C1orf21: variants seen among roughly 807,000 people sequenced by gnomAD.
The protein encoded by C1orf21 is chromosome 1 open reading frame 21, also known as uncharacterized protein C1orf21.
In C1orf21, 3 loss-of-function variants were observed where a neutral mutation model predicts 18.7. That is an observed-to-expected ratio of 0.16 (90% confidence interval 0.07 to 0.42). C1orf21 has a LOEUF of 0.42. Ranked by LOEUF, C1orf21 falls within the 10% of genes least tolerant of loss-of-function variation. The pLI is 0.99. For synonymous variants in C1orf21, 41 were observed against 46.4 expected, an observed-to-expected ratio of 0.88 and a Z score of 0.47; for missense variants, 104 against 143.6, an observed-to-expected ratio of 0.72 and a Z score of 1.41.
intron 1 of C1orf21, among the ~76,000 whole-genome samples, chr1:184,451,376 G>T (rs933770899): frequency 6.6e-6 from 1 of 151,476 alleles, no homozygotes. Context: ...CTGAAGCCCC[G>T]ACCTCCTGGG....
At chr1:184,568,470 G>T (rs1172229495) in intron 3 of C1orf21, 3 of 470,310 alleles carry the variant, frequency 6.4e-6, no homozygotes, top group African/African-American at 2.0e-5. Context: ...TTTTAGAGAA[G>T]TTCTTATGTG....
intron 3 of C1orf21, among the ~76,000 whole-genome samples, chr1:184,508,201 T>G (rs900106859): frequency 7.2e-5 from 11 of 152,204 alleles, no homozygotes; most frequent in African/African-American, 2.7e-4. Flanking sequence ...TTTGAGTTTA[T>G]GTGAGAATTG....
At chr1:184,586,287 T>TA (rs1247244615) in intron 3 of C1orf21, among the ~76,000 whole-genome samples, 1 of 145,424 alleles carries the variant, frequency 6.9e-6, no homozygotes, top group Admixed American at 7.5e-5. Context: ...TTTGTCCACT[T>TA]TTTTTTTTTT....
intron 3 of C1orf21, among the ~76,000 whole-genome samples, chr1:184,519,051 T>C (rs960986106): frequency 6.6e-6 from 1 of 152,206 alleles, no homozygotes; most frequent in Non-Finnish European, 1.5e-5. Flanking sequence ...AGCACATTAA[T>C]TTTTGGTTTA....
chr1:184,510,546 A>G (rs998933548), intron 3 of C1orf21, among the ~76,000 whole-genome samples: 3 of 152,194 alleles, frequency 2.0e-5, no homozygotes, highest in Non-Finnish European at 2.9e-5. Flanking sequence ...GCCTCAAAGT[A>G]TGGAATTGGG....
intron 1 of C1orf21, among the ~76,000 whole-genome samples, chr1:184,394,603 C>A (rs575085346): frequency 1.3e-5 from 2 of 152,108 alleles, no homozygotes; most frequent in South Asian, 2.1e-4. Context: ...TTACATGAGA[C>A]AATTGAAAGG....
intron 5 of C1orf21, among the ~76,000 whole-genome samples, chr1:184,603,093 TC>T (rs1659606125): frequency 6.6e-6 from 1 of 152,252 alleles, no homozygotes; most frequent in Admixed American, 6.5e-5. Context: ...GTTTTAAGAC[TC>T]CATGGAGCCT....
chr1:184,488,906 A>T (rs914413083), intron 2 of C1orf21, among the ~76,000 whole-genome samples: 12 of 152,164 alleles, frequency 7.9e-5, no homozygotes, highest in Admixed American at 5.2e-4. Context: ...CGGAGGTTGC[A>T]GTGAGCCAAG....
intron 3 of C1orf21, among the ~76,000 whole-genome samples, chr1:184,568,705 T>G (rs1009695141): frequency 3.0e-4 from 46 of 152,344 alleles, no homozygotes; most frequent in African/African-American, 1.1e-3. Flanking sequence ...CTGCTGTTTC[T>G]TGCTCTCTTT....
At chr1:184,480,413 T>C (rs1657636137) in intron 2 of C1orf21, among the ~76,000 whole-genome samples, 1 of 152,198 alleles carries the variant, frequency 6.6e-6, no homozygotes, top group Non-Finnish European at 1.5e-5. Context: ...TAACCTTAGA[T>C]TGTCAGAGCA....
rs558256428 is a variant in C1orf21, at chr1:184,581,625, T to C, written c.190-9114T>C. Among the ~76,000 whole-genome samples, 57 of 143,212 alleles carry C rather than the reference T, an allele frequency of 4.0e-4. No homozygotes were observed. The South Asian group carries it at 0.012, about 30-fold the overall frequency. The allele number at this position is 143,212 out of a possible 152,430, so 94.0% of individuals were successfully genotyped here. The stretch of plus-strand genomic sequence containing the variant: ...TTTTTAAAACAGCCTTAACTTATAA[T>C]TCCCAGTGGAATTTATATCATAGCT... On this transcript the variant is annotated intron_variant, in intron 3 of 5. Transcript: ENST00000235307.
chr1:184,587,687 C>G (rs1403384455), intron 3 of C1orf21, among the ~76,000 whole-genome samples: 1 of 145,260 alleles, frequency 6.9e-6, no homozygotes, highest in Non-Finnish European at 1.5e-5. Flanking sequence ...GAGTCTTGCT[C>G]TGTTGCCCAG....
At chr1:184,466,341 C>T (rs1657398083) in intron 1 of C1orf21, among the ~76,000 whole-genome samples, 1 of 152,152 alleles carries the variant, frequency 6.6e-6, no homozygotes, top group African/African-American at 2.4e-5. Context: ...AATGAGCAAA[C>T]TCGTCAAGGG....
rs114881798 is a variant in C1orf21, at chr1:184,557,873, G to A, written c.190-32866G>A. On this transcript the variant is annotated intron_variant, in intron 3 of 5. Transcript: ENST00000235307. Reference sequence around the variant, plus strand: ...ACAACCAGATAATGTAGCTGATGGAGCCATTCATTCTAGATAAAATCACTG... The same window carrying A: ...ACAACCAGATAATGTAGCTGATGGAACCATTCATTCTAGATAAAATCACTG... Among the ~76,000 whole-genome samples the A allele has an allele frequency of 8.6e-3, 1,309 of 152,232 alleles. 17 individuals are homozygous for A. The highest frequency in any genetic ancestry group is 0.03 in the African/African-American group (1,246 of 41,504).
chr1:184,496,889 T>A (rs1657902350), intron 2 of C1orf21, among the ~76,000 whole-genome samples: 2 of 152,228 alleles, frequency 1.3e-5, no homozygotes, highest in South Asian at 4.1e-4. Flanking sequence ...TTGCACATCT[T>A]TTTTGAGAAA....
rs545937001 is a variant in C1orf21 at position 184,564,740 on chromosome 1, C to A, written c.190-25999C>A. The stretch of plus-strand genomic sequence containing the variant: ...AAAGCCAGTTATATGTAGAATGAAC[C>A]AGAGGCTCAGGAATTGCTAGCACTA... On this transcript the variant is annotated intron_variant, in intron 3 of 5. Coordinates refer to ENST00000235307, the MANE Select transcript of C1orf21 (RefSeq NM_030806.4). Among the ~76,000 whole-genome samples the A allele has an allele frequency of 3.3e-5, 5 of 152,260 alleles. No homozygotes were observed. In the South Asian group the frequency reaches 6.2e-4, roughly 19 times the overall value.
intron 3 of C1orf21, among the ~76,000 whole-genome samples, chr1:184,510,404 C>T (rs1420921406): frequency 1.3e-5 from 2 of 152,090 alleles, no homozygotes; most frequent in African/African-American, 4.8e-5. Flanking sequence ...TATGAAATGA[C>T]TATGAGTAAA....
At chr1:184,484,084 C>T (rs945885117) in intron 2 of C1orf21, among the ~76,000 whole-genome samples, 16 of 152,144 alleles carry the variant, frequency 1.1e-4, no homozygotes, top group African/African-American at 2.2e-4. Context: ...CCACCGCGCC[C>T]GGCTAATTTT....
At chr1:184,475,155 A>G (rs755472764) in intron 1 of C1orf21, among the ~76,000 whole-genome samples, 3 of 152,164 alleles carry the variant, frequency 2.0e-5, no homozygotes, top group Non-Finnish European at 4.4e-5. Context: ...TGTTTCTTCA[A>G]AAACTATGAC....
Sources: gnomAD v4.1 joint callset for allele counts (sites outside exome capture counted in the v4.1 genomes callset) on GRCh38, gnomAD v4.1.1 for gene constraint, MANE v1.5 for transcripts, NCBI Gene and HGNC (gene_info 2026-07-23, HGNC 2026-07-21) for gene names.